Variants in ATP9B observed in about 807,000 individuals in gnomAD.
ATP9B encodes probable phospholipid-transporting ATPase IIB.
ATP9B carries 110 observed loss-of-function variants against 146.1 expected under a neutral mutation model. The ratio of observed to expected loss-of-function variants is 0.75; its 90% CI spans 0.65 to 0.88. The LOEUF (loss-of-function observed/expected upper bound fraction) is 0.88, where lower values mean the gene tolerates loss of function less well. ATP9B is among the 40% of genes least tolerant of loss of function. The pLI is 0.00. For missense variants in ATP9B, 1,499 were observed against 1,496.4 expected, an observed-to-expected ratio of 1.00 and a Z score of -0.03; for synonymous variants, 604 against 569.7, an observed-to-expected ratio of 1.06 and a Z score of -0.86.
At chr18:79,334,018 G>C (rs1454520814) in intron 17 of ATP9B, among the ~76,000 whole-genome samples, 1 of 152,146 alleles carries the variant, frequency 6.6e-6, no homozygotes, top group African/African-American at 2.4e-5. Context: ...CTCTCTACAG[G>C]GAGGGTCACT....
chr18:79,082,227 T>A (rs111961193), intron 1 of ATP9B, among the ~76,000 whole-genome samples: 1 of 152,132 alleles, frequency 6.6e-6, no homozygotes, highest in Non-Finnish European at 1.5e-5. Context: ...TTCATGAAGT[T>A]CTTGTGCTGT....
intron 12 of ATP9B, among the ~76,000 whole-genome samples, chr18:79,272,858 C>G (rs2096270436): frequency 6.6e-6 from 1 of 152,296 alleles, no homozygotes; most frequent in Non-Finnish European, 1.5e-5. Context: ...AAAATCAAGT[C>G]TGTCATTGGT....
intron 17 of ATP9B, among the ~76,000 whole-genome samples, chr18:79,336,088 C>T (rs2096823803): frequency 7.0e-6 from 1 of 142,278 alleles, no homozygotes; most frequent in Non-Finnish European, 1.6e-5. Context: ...TCCCCAGCAC[C>T]GCCGTGTGCA....
At position 79,299,465 on chromosome 18, in the gene ATP9B, C is replaced by T. The variant is rs1028316903; in HGVS notation, c.1412-4139C>T. Among the ~76,000 whole-genome samples the T allele has an allele frequency of 3.9e-5, 6 of 152,272 alleles. 1 individual carries two copies. In the East Asian group the frequency reaches 5.8e-4, roughly 15 times the overall value. Reference sequence around the variant, plus strand: ...ATGCTTCAAGTCACAGGTCAGATGCCACCACTCCTGGGAGCAGTCCCTGCC... The same window carrying T: ...ATGCTTCAAGTCACAGGTCAGATGCTACCACTCCTGGGAGCAGTCCCTGCC... On this transcript the variant is annotated intron_variant, in intron 13 of 29. Coordinates refer to ENST00000426216, the MANE Select transcript of ATP9B (RefSeq NM_198531.5).
At chr18:79,240,362 C>T (rs1253169054) in intron 11 of ATP9B, among the ~76,000 whole-genome samples, 3 of 152,226 alleles carry the variant, frequency 2.0e-5, no homozygotes, top group African/African-American at 4.8e-5. Context: ...AGCTTTACCA[C>T]ATCCAAATAA....
intron 1 of ATP9B, among the ~76,000 whole-genome samples, chr18:79,081,911 C>G (rs914230419): frequency 6.6e-6 from 1 of 151,986 alleles, no homozygotes; most frequent in Non-Finnish European, 1.5e-5. Context: ...CAAGGAGTAT[C>G]TTTGTGGTGT....
intron 2 of ATP9B, among the ~76,000 whole-genome samples, chr18:79,104,126 A>G (rs999218569): frequency 1.3e-5 from 2 of 152,174 alleles, no homozygotes; most frequent in South Asian, 4.1e-4. Flanking sequence ...CGTGGCCCGA[A>G]GAAGACCCTG....
chr18:79,161,497 G>T (rs2094879641), intron 7 of ATP9B, among the ~76,000 whole-genome samples: 1 of 152,162 alleles, frequency 6.6e-6, no homozygotes, highest in African/African-American at 2.4e-5. Context: ...TTCATCCTCA[G>T]TTTTATTTTT....
At chr18:79,246,550 T>A (rs2095966466) in intron 11 of ATP9B, among the ~76,000 whole-genome samples, 1 of 152,254 alleles carries the variant, frequency 6.6e-6, no homozygotes, top group African/African-American at 2.4e-5. Context: ...GCATTCTGCG[T>A]GACAAAACAT....
chr18:79,207,504 G>A (rs2095545682), intron 10 of ATP9B, among the ~76,000 whole-genome samples: 1 of 152,212 alleles, frequency 6.6e-6, no homozygotes, highest in Non-Finnish European at 1.5e-5. Flanking sequence ...TCAGGTATGA[G>A]TTGACATTGA....
At chr18:79,311,843 G>T (rs539940803) in intron 15 of ATP9B, among the ~76,000 whole-genome samples, 3 of 152,282 alleles carry the variant, frequency 2.0e-5, no homozygotes, top group Admixed American at 2.0e-4. Context: ...GGACAGCCCT[G>T]CATCGCAGCC....
chr18:79,103,726 A>T (rs535877793), intron 2 of ATP9B, among the ~76,000 whole-genome samples: 2 of 152,292 alleles, frequency 1.3e-5, no homozygotes, highest in South Asian at 4.1e-4. Flanking sequence ...AGCAAAGGAA[A>T]ATCAATAATA....
chr18:79,151,690 C>T (rs977302935), intron 6 of ATP9B, among the ~76,000 whole-genome samples: 4 of 151,186 alleles, frequency 2.6e-5, no homozygotes, highest in Non-Finnish European at 4.4e-5. Context: ...CATTTTCAGC[C>T]TTTTAAAATT....
chr18:79,133,664 T>C (rs985755065), intron 5 of ATP9B, among the ~76,000 whole-genome samples: 1 of 152,208 alleles, frequency 6.6e-6, no homozygotes, highest in Non-Finnish European at 1.5e-5. Flanking sequence ...AGGTCACCCT[T>C]AGAGGATCTG....
intron 5 of ATP9B, among the ~76,000 whole-genome samples, chr18:79,137,740 T>C (rs2094464972): frequency 6.6e-6 from 1 of 152,202 alleles, no homozygotes; most frequent in African/African-American, 2.4e-5. Context: ...CCGCACTGTT[T>C]CCTGACTCCT....
Position 79,372,676 on chromosome 18 carries a change from C to T in ATP9B, c.3013-149C>T, listed in dbSNP as rs201980721. The stretch of plus-strand genomic sequence containing the variant: ...GATTCGGGTGTCAGGAAAAGGCGCC[C>T]GAAATGCTGGTAGACCAGGTGGCTG... On this transcript the variant is annotated intron_variant, in intron 26 of 29. Coordinates refer to ENST00000426216, the MANE Select transcript of ATP9B (RefSeq NM_198531.5). 502 of 704,506 alleles carry T rather than the reference C, an allele frequency of 7.1e-4. 2 individuals are homozygous for T. The highest frequency in any genetic ancestry group is 1.1e-3 in the South Asian group (77 of 67,584). The allele number at this position is 704,506 out of a possible 1,614,324, so 43.6% of individuals were successfully genotyped here. A position where few individuals can be genotyped will look rare whatever the true frequency, so the allele number is the denominator to read the frequency against.
chr18:79,118,439 C>T (rs1277502284), intron 4 of ATP9B, among the ~76,000 whole-genome samples: 38 of 110,234 alleles, frequency 3.4e-4, no homozygotes, highest in Admixed American at 5.5e-4. Context: ...CTTGGTCTGT[C>T]GCCCAGGCTG....
intron 13 of ATP9B, among the ~76,000 whole-genome samples, chr18:79,297,903 T>C: frequency 6.8e-6 from 1 of 147,068 alleles, no homozygotes; most frequent in African/African-American, 2.5e-5. Flanking sequence ...GAAAAGCATA[T>C]GACAAATGTA....
chr18:79,077,754 C>T (rs1237908909), intron 1 of ATP9B, among the ~76,000 whole-genome samples: 1 of 152,194 alleles, frequency 6.6e-6, no homozygotes, highest in East Asian at 1.9e-4. Flanking sequence ...CAAACTGAGC[C>T]AGCATAAGAG....
Sources: allele counts gnomAD v4.1 joint callset (sites outside exome capture counted in the v4.1 genomes callset), GRCh38; gene constraint gnomAD v4.1.1; transcripts MANE v1.5; gene names NCBI Gene and HGNC (gene_info 2026-07-23, HGNC 2026-07-21).